GALNT13: variants seen among roughly 807,000 people sequenced by gnomAD.
GALNT13 encodes the protein UDP-GalNAc:polypeptide N-acetylgalactosaminyltransferase 13.
A neutral mutation model predicts 64.2 loss-of-function variants in GALNT13; 28 were observed. The observed-to-expected ratio is 0.44, with a 90% confidence interval of 0.32 to 0.60. The LOEUF (loss-of-function observed/expected upper bound fraction) is 0.60. GALNT13 is among the 20% of genes least tolerant of loss of function. The probability of loss-of-function intolerance (pLI) is 0.05; values close to 1 mark genes in which losing one functional copy is unlikely to be tolerated. For synonymous variants in GALNT13, 214 were observed against 224.6 expected (o/e 0.95, Z 0.42); for missense variants, 577 against 669.8 (o/e 0.86, Z 1.53).
chr2:153,299,291 G>C, the GALNT13 span, among the ~76,000 whole-genome samples: 195 of 152,252 alleles, frequency 1.3e-3, 5 homozygotes, highest in East Asian at 0.035. Context: ...TATTTTGTTT[G>C]CTTTTAAGAA....
chr2:154,027,495 A>G (rs1431873326), intron 3 of GALNT13, among the ~76,000 whole-genome samples: 1 of 152,182 alleles, frequency 6.6e-6, no homozygotes, highest in Admixed American at 6.6e-5. Flanking sequence ...AAAATATGTT[A>G]TAGATGAGTC....
chr2:153,288,239 C>T, the GALNT13 span, among the ~76,000 whole-genome samples: 1 of 152,064 alleles, frequency 6.6e-6, no homozygotes, highest in Non-Finnish European at 1.5e-5. Context: ...TAGAGTAGTA[C>T]ACAGATATTA....
intron 4 of GALNT13, among the ~76,000 whole-genome samples, chr2:154,162,916 AT>A (rs1198942965): frequency 5.3e-5 from 8 of 151,682 alleles, no homozygotes; most frequent in Non-Finnish European, 1.2e-4. Context: ...AAAGTCACTT[AT>A]GAAAAAGAAC....
intron 9 of GALNT13, among the ~76,000 whole-genome samples, chr2:154,321,529 A>G (rs985966673): frequency 2.0e-4 from 31 of 152,186 alleles, no homozygotes; most frequent in African/African-American, 7.2e-4. Flanking sequence ...AAATAAAGTC[A>G]TAATTCAATA....
At position 154,053,493 on chromosome 2, in the gene GALNT13, A is replaced by T. The variant is rs111727162; in HGVS notation, c.143-86844A>T. Among the ~76,000 whole-genome samples the T allele has an allele frequency of 4.0e-3, 607 of 151,876 alleles. 1 individual carries two copies. The highest frequency in any genetic ancestry group is 0.014 in the African/African-American group (569 of 41,386). ...AAAACTTTTCTGGCCTGGATTTTAT[A>T]TTAAATCAGTTCAGCCTGCTTTATT... On this transcript the variant is annotated intron_variant, in intron 3 of 12. Transcript: ENST00000392825.
the GALNT13 span, among the ~76,000 whole-genome samples, chr2:153,514,139 C>T: frequency 6.6e-6 from 1 of 151,682 alleles, no homozygotes. Flanking sequence ...TTATTTTCAT[C>T]CTCATATATC....
chr2:153,681,826 T>C, the GALNT13 span, among the ~76,000 whole-genome samples: 1 of 151,822 alleles, frequency 6.6e-6, no homozygotes. Context: ...CGTTGAGTTT[T>C]GCTACACAAG....
the GALNT13 span, among the ~76,000 whole-genome samples, chr2:153,320,894 C>G: frequency 3.9e-5 from 6 of 152,256 alleles, no homozygotes; most frequent in East Asian, 1.2e-3. Context: ...ATTTATATAT[C>G]TTTTAACCCA....
chr2:153,552,575 C>CTTTTTTTTTTTTT, the GALNT13 span, among the ~76,000 whole-genome samples: 3 of 69,316 alleles, frequency 4.3e-5, no homozygotes, highest in South Asian at 6.2e-4. Context: ...GCTTCTTCTT[C>CTTTTTTTTTTTTT]TTTTTTTTTT....
intron 8 of GALNT13, among the ~76,000 whole-genome samples, chr2:154,262,064 T>C (rs1403322975): frequency 6.6e-6 from 1 of 152,182 alleles, no homozygotes; most frequent in Non-Finnish European, 1.5e-5. Context: ...GTAGACTTCC[T>C]AAGGAAGATG....
At chr2:153,192,411 A>G in the GALNT13 span, among the ~76,000 whole-genome samples, 1 of 152,036 alleles carries the variant, frequency 6.6e-6, no homozygotes, top group Non-Finnish European at 1.5e-5. Flanking sequence ...CTCGATTTCA[A>G]TTTTTAAAAA....
chr2:153,894,081 C>A (rs9636320), intron 1 of GALNT13, among the ~76,000 whole-genome samples: 21,566 of 151,918 alleles, frequency 0.14, 1,740 homozygotes, highest in South Asian at 0.21. Flanking sequence ...CTTCAGGTAG[C>A]GAGGGGCCAG....
chr2:153,300,994 A>C, the GALNT13 span, among the ~76,000 whole-genome samples: 1 of 152,166 alleles, frequency 6.6e-6, no homozygotes, highest in Non-Finnish European at 1.5e-5. Context: ...GCTTCAGGCC[A>C]GATGTTTGAG....
the GALNT13 span, among the ~76,000 whole-genome samples, chr2:153,674,036 T>A: frequency 4.6e-5 from 7 of 152,230 alleles, no homozygotes; most frequent in East Asian, 1.4e-3. Flanking sequence ...AAACCACTGC[T>A]CAATGAAATA....
the GALNT13 span, among the ~76,000 whole-genome samples, chr2:153,138,521 C>T: frequency 2.0e-5 from 3 of 151,832 alleles, no homozygotes; most frequent in Admixed American, 1.3e-4. Flanking sequence ...ACAATATCAT[C>T]GATGTTTTTA....
chr2:153,876,967 A>G (rs1686425360), intron 1 of GALNT13, among the ~76,000 whole-genome samples: 1 of 152,104 alleles, frequency 6.6e-6, no homozygotes, highest in Non-Finnish European at 1.5e-5. Context: ...TAATGTGTAC[A>G]CTACCATAAT....
chr2:153,943,243 A>G (rs969379849), intron 2 of GALNT13, among the ~76,000 whole-genome samples: 2 of 152,082 alleles, frequency 1.3e-5, no homozygotes. Flanking sequence ...TTATGTACAT[A>G]TCTTTGTTAT....
the GALNT13 span, among the ~76,000 whole-genome samples, chr2:153,831,367 A>G: frequency 6.6e-6 from 1 of 152,300 alleles, no homozygotes; most frequent in East Asian, 1.9e-4. Flanking sequence ...AAGAAGTGCT[A>G]GCAGGAGGCG....
At chr2:153,396,802 T>C in the GALNT13 span, among the ~76,000 whole-genome samples, 2 of 152,130 alleles carry the variant, frequency 1.3e-5, no homozygotes, top group Non-Finnish European at 2.9e-5. Flanking sequence ...ATGGAAAATG[T>C]GAGGAGAATT....
Sources: allele counts gnomAD v4.1 joint callset (sites outside exome capture counted in the v4.1 genomes callset), GRCh38; gene constraint gnomAD v4.1.1; transcripts MANE v1.5; gene names NCBI Gene and HGNC (gene_info 2026-07-23, HGNC 2026-07-21).